CCSER1: variants seen among roughly 807,000 people sequenced by gnomAD.
The protein encoded by CCSER1 is coiled-coil serine rich protein 1.
CCSER1 carries 41 observed loss-of-function variants against 82.0 expected under a neutral mutation model. The ratio of observed to expected loss-of-function variants is 0.50; its 90% CI spans 0.39 to 0.65. CCSER1 has a LOEUF of 0.65. Among genes scored for constraint, CCSER1 ranks in the 30% least tolerant of loss-of-function variants. The probability of loss-of-function intolerance (pLI) is 0.00; values close to 1 mark genes in which losing one functional copy is unlikely to be tolerated. For missense variants in CCSER1, 1,119 were observed against 1,064.2 expected (o/e 1.05, Z -0.72); for synonymous variants, 414 against 383.9 (o/e 1.08, Z -0.92).
intron 1 of CCSER1, among the ~76,000 whole-genome samples, chr4:90,194,293 A>G (rs1434248035): frequency 6.6e-6 from 1 of 152,080 alleles, no homozygotes; most frequent in East Asian, 1.9e-4. Flanking sequence ...TACAGCTGTT[A>G]TGAAGATTAA....
intron 9 of CCSER1, among the ~76,000 whole-genome samples, chr4:91,007,476 G>A (rs1297994993): frequency 1.3e-5 from 2 of 152,056 alleles, no homozygotes; most frequent in Non-Finnish European, 2.9e-5. Flanking sequence ...TCATTAGTCT[G>A]TTCCAAAGTT....
intron 1 of CCSER1, among the ~76,000 whole-genome samples, chr4:90,180,143 A>T (rs372623654): frequency 2.8e-5 from 4 of 142,818 alleles, no homozygotes; most frequent in Non-Finnish European, 6.2e-5. Flanking sequence ...TATATATATA[A>T]ATTATATTTT....
intron 7 of CCSER1, among the ~76,000 whole-genome samples, chr4:90,775,196 T>C (rs1752739113): frequency 6.6e-6 from 1 of 152,142 alleles, no homozygotes; most frequent in Non-Finnish European, 1.5e-5. Flanking sequence ...AATCATGAAT[T>C]GAGTACTTGA....
At chr4:91,225,285 G>A (rs1398129118) in intron 10 of CCSER1, among the ~76,000 whole-genome samples, 43 of 39,574 alleles carry the variant, frequency 1.1e-3, no homozygotes, top group African/African-American at 6.3e-3. Flanking sequence ...TTTTATATAT[G>A]TAATATATAT....
intron 1 of CCSER1, among the ~76,000 whole-genome samples, chr4:90,279,021 AT>A (rs1229783697): frequency 6.6e-6 from 1 of 151,922 alleles, no homozygotes; most frequent in African/African-American, 2.4e-5. Context: ...TAAGCTGCCA[AT>A]TTTTCCTTTA....
At chr4:91,556,031 G>A (rs1163514614) in intron 10 of CCSER1, among the ~76,000 whole-genome samples, 1 of 151,120 alleles carries the variant, frequency 6.6e-6, no homozygotes, top group Non-Finnish European at 1.5e-5. Context: ...GATAAATACT[G>A]GTAAAAGAAA....
rs141121502 is a variant in CCSER1 at position 90,353,402 on chromosome 4, T to C, written c.1509+40355T>C. Reference sequence around the variant, plus strand: ...CTTTGTCAGATTGAACATTAAATAGTCACTCAAGAAGTTTTCAGTTTGGAC... The same window carrying C: ...CTTTGTCAGATTGAACATTAAATAGCCACTCAAGAAGTTTTCAGTTTGGAC... On this transcript the variant is annotated intron_variant, in intron 3 of 10. Transcript: ENST00000509176. Among the ~76,000 whole-genome samples the C allele has an allele frequency of 4.6e-5, 7 of 152,266 alleles. No homozygotes were observed. The East Asian group carries it at 1.4e-3, about 29-fold the overall frequency.
intron 6 of CCSER1, among the ~76,000 whole-genome samples, chr4:90,695,062 A>G (rs943039798): frequency 1.4e-5 from 2 of 147,836 alleles, no homozygotes; most frequent in African/African-American, 4.9e-5. Flanking sequence ...ATTTATTTAT[A>G]TTTATATATA....
chr4:91,545,677 G>C (rs1761851936), intron 10 of CCSER1, among the ~76,000 whole-genome samples: 2 of 151,854 alleles, frequency 1.3e-5, no homozygotes, highest in African/African-American at 4.8e-5. Context: ...ATCCAGAAGG[G>C]CTTCTTTTGT....
intron 5 of CCSER1, among the ~76,000 whole-genome samples, chr4:90,531,234 C>G (rs1774481413): frequency 6.6e-6 from 1 of 151,706 alleles, no homozygotes; most frequent in Non-Finnish European, 1.5e-5. Context: ...ATGGCATTTT[C>G]TAAATACTCT....
At chr4:90,959,301 A>T (rs1051792436) in intron 9 of CCSER1, among the ~76,000 whole-genome samples, 1 of 152,144 alleles carries the variant, frequency 6.6e-6, no homozygotes, top group African/African-American at 2.4e-5. Context: ...AATACGTGTC[A>T]ATAATACGGG....
At chr4:91,515,815 A>G (rs1760076088) in intron 10 of CCSER1, among the ~76,000 whole-genome samples, 1 of 149,518 alleles carries the variant, frequency 6.7e-6, no homozygotes, top group Non-Finnish European at 1.5e-5. Context: ...TTACTCTCCT[A>G]CCAGCAGTGA....
At chr4:91,149,769 G>T (rs1290008304) in intron 10 of CCSER1, among the ~76,000 whole-genome samples, 2 of 152,282 alleles carry the variant, frequency 1.3e-5, no homozygotes, top group East Asian at 3.9e-4. Flanking sequence ...TGTCAGATTT[G>T]TCAAAGATCA....
At chr4:90,203,116 A>G (rs1344621547) in intron 1 of CCSER1, among the ~76,000 whole-genome samples, 3 of 152,224 alleles carry the variant, frequency 2.0e-5, no homozygotes, top group Admixed American at 6.5e-5. Context: ...CATATTCACA[A>G]TGTAGACACA....
chr4:91,049,853 AT>A (rs1390498738), intron 9 of CCSER1, among the ~76,000 whole-genome samples: 2 of 152,194 alleles, frequency 1.3e-5, no homozygotes, highest in Non-Finnish European at 2.9e-5. Context: ...CCAATTTTAC[AT>A]TTCTATCATA....
intron 10 of CCSER1, among the ~76,000 whole-genome samples, chr4:91,428,616 A>T (rs1339132409): frequency 6.6e-6 from 1 of 152,006 alleles, no homozygotes; most frequent in Non-Finnish European, 1.5e-5. Context: ...CAGATTTTTC[A>T]TCAGACTCTC....
At chr4:90,776,905 T>C (rs1752963435) in intron 7 of CCSER1, among the ~76,000 whole-genome samples, 1 of 152,206 alleles carries the variant, frequency 6.6e-6, no homozygotes, top group South Asian at 2.1e-4. Flanking sequence ...TAATCCTTAG[T>C]TAACTTCATC....
At chr4:90,270,179 A>T (rs896753404) in intron 1 of CCSER1, among the ~76,000 whole-genome samples, 2 of 152,120 alleles carry the variant, frequency 1.3e-5, no homozygotes, top group African/African-American at 4.8e-5. Flanking sequence ...TAAGGCCAGC[A>T]TTACCTCAAT....
At chr4:91,319,900 T>C (rs1746079591) in intron 10 of CCSER1, among the ~76,000 whole-genome samples, 1 of 152,012 alleles carries the variant, frequency 6.6e-6, no homozygotes, top group Non-Finnish European at 1.5e-5. Context: ...ATCCAAAATA[T>C]TAAATGGAAA....
Sources: allele counts gnomAD v4.1 joint callset (sites outside exome capture counted in the v4.1 genomes callset), GRCh38; gene constraint gnomAD v4.1.1; transcripts MANE v1.5; gene names NCBI Gene and HGNC (gene_info 2026-07-23, HGNC 2026-07-21).